The following FSTL5 variants were observed in gnomAD, a reference collection of about 807,000 sequenced individuals.
FSTL5 encodes the protein follistatin-related protein 5.
Under a neutral mutation model 89.1 loss-of-function variants are expected in FSTL5, and 62 were observed. That is an observed-to-expected ratio of 0.70 (90% confidence interval 0.57 to 0.86). The LOEUF is 0.86. Among genes scored for constraint, FSTL5 ranks in the 40% least tolerant of loss-of-function variants. The pLI, the probability that FSTL5 is intolerant of heterozygous loss-of-function variation, is 0.00. For synonymous variants in FSTL5, 383 were observed against 346.2 expected (o/e 1.11, Z -1.18); for missense variants, 1,057 against 1,001.6 (o/e 1.06, Z -0.75).
At chr4:161,499,045 T>C (rs1279397897) in intron 12 of FSTL5, among the ~76,000 whole-genome samples, 3 of 151,536 alleles carry the variant, frequency 2.0e-5, no homozygotes, top group African/African-American at 7.3e-5. Flanking sequence ...CTATGAAAAA[T>C]ACAGAAATTA....
intron 3 of FSTL5, among the ~76,000 whole-genome samples, chr4:161,939,839 C>T (rs543515451): frequency 5.3e-5 from 8 of 151,938 alleles, no homozygotes; most frequent in Non-Finnish European, 1.0e-4. Flanking sequence ...TATCTTACCA[C>T]GGAAACACCA....
intron 4 of FSTL5, among the ~76,000 whole-genome samples, chr4:161,782,978 C>T (rs1359734783): frequency 6.6e-6 from 1 of 152,080 alleles, no homozygotes; most frequent in African/African-American, 2.4e-5. Context: ...ATCATATGTG[C>T]AACTTAGCCA....
At chr4:161,696,214 G>T (rs111711593) in intron 6 of FSTL5, among the ~76,000 whole-genome samples, 10,405 of 152,188 alleles carry the variant, frequency 0.068, 431 homozygotes, top group South Asian at 0.18. Context: ...GTTGAATAGG[G>T]TGTCCTTTCC....
chr4:161,411,756 T>C (rs1264135459), intron 15 of FSTL5, among the ~76,000 whole-genome samples: 1 of 151,820 alleles, frequency 6.6e-6, no homozygotes, highest in Non-Finnish European at 1.5e-5. Context: ...GCTCAAACCA[T>C]CCCCTTTGAG....
At chr4:161,996,957 A>G (rs139300298) in intron 3 of FSTL5, among the ~76,000 whole-genome samples, 218 of 152,330 alleles carry the variant, frequency 1.4e-3, no homozygotes, top group African/African-American at 5.0e-3. Flanking sequence ...TTAGTGGGCA[A>G]TTATATTTGA....
chr4:161,977,639 A>ATAAAAATAAT (rs1373859019), intron 3 of FSTL5, among the ~76,000 whole-genome samples: 1 of 101,244 alleles, frequency 9.9e-6, no homozygotes, highest in African/African-American at 4.1e-5. Flanking sequence ...AAAAAAAAAA[A>ATAAAAATAAT]AATAATAATA....
chr4:161,825,849 C>T (rs1419865883), intron 4 of FSTL5, among the ~76,000 whole-genome samples: 1 of 151,894 alleles, frequency 6.6e-6, no homozygotes, highest in Non-Finnish European at 1.5e-5. Context: ...CTTTTTGTTT[C>T]ATTTATCTTT....
chr4:161,473,208 TTC>T lies in FSTL5; in HGVS notation c.1608+7810_1608+7811del, dbSNP rs547063951. 1.9e-3 allele frequency among the ~76,000 whole-genome samples: 286 copies of T among 152,304 alleles called. 3 individuals carry two copies. Among genetic ancestry groups the T allele is most frequent in the African/African-American group, 6.4e-3 (267 of 41,568 alleles). On this transcript the variant is annotated intron_variant, in intron 13 of 15. Transcript: ENST00000306100. ...TAAGTCCTCTACTCCCTTTATTATC[TTC>T]TGTCTGGTATTTCTATCAATTATTG...
chr4:161,483,048 A>C (rs575147632), intron 12 of FSTL5, among the ~76,000 whole-genome samples: 10 of 152,210 alleles, frequency 6.6e-5, no homozygotes, highest in Admixed American at 5.2e-4. Flanking sequence ...CGGGAGGTCA[A>C]CCTGAGTAAA....
At chr4:162,075,022 C>A (rs1368532542) in intron 2 of FSTL5, among the ~76,000 whole-genome samples, 3 of 151,630 alleles carry the variant, frequency 2.0e-5, no homozygotes, top group Non-Finnish European at 4.4e-5. Context: ...TAACTTATAA[C>A]CACAACCCCA....
intron 6 of FSTL5, among the ~76,000 whole-genome samples, chr4:161,726,913 AT>A (rs67862379): frequency 0.065 from 2,311 of 35,636 alleles, 26 homozygotes; most frequent in Non-Finnish European, 0.21. Context: ...AAAAAAAAAA[AT>A]ATATATATAT....
At chr4:161,421,662 A>G (rs1232117661) in intron 15 of FSTL5, among the ~76,000 whole-genome samples, 1 of 152,188 alleles carries the variant, frequency 6.6e-6, no homozygotes, top group Non-Finnish European at 1.5e-5. Flanking sequence ...AAAGATTCAC[A>G]TTTGAATTGG....
chr4:161,823,890 T>A (rs939326162), intron 4 of FSTL5, among the ~76,000 whole-genome samples: 8 of 152,240 alleles, frequency 5.3e-5, no homozygotes, highest in Admixed American at 1.3e-4. Context: ...TTGTTTGAAT[T>A]CCTTGTAGAT....
intron 6 of FSTL5, among the ~76,000 whole-genome samples, chr4:161,687,176 T>C (rs1013448122): frequency 3.3e-5 from 5 of 152,198 alleles, no homozygotes; most frequent in African/African-American, 9.6e-5. Flanking sequence ...ACATTCATGA[T>C]GATTTAAGAA....
At chr4:161,486,451 T>C (rs1039167619) in intron 12 of FSTL5, among the ~76,000 whole-genome samples, 1 of 152,190 alleles carries the variant, frequency 6.6e-6, no homozygotes, top group Non-Finnish European at 1.5e-5. Context: ...AATAAAGGCA[T>C]GTAAGTCTGA....
At chr4:161,811,371 A>G (rs1177464148) in intron 4 of FSTL5, among the ~76,000 whole-genome samples, 2 of 152,198 alleles carry the variant, frequency 1.3e-5, no homozygotes, top group African/African-American at 4.8e-5. Context: ...ATATTTTAAA[A>G]TGTTTTCCTT....
chr4:161,966,789 A>G (rs1735339334), intron 3 of FSTL5, among the ~76,000 whole-genome samples: 1 of 152,032 alleles, frequency 6.6e-6, no homozygotes, highest in South Asian at 2.1e-4. Context: ...TGTTTAAGTC[A>G]CCTCATCTTT....
intron 4 of FSTL5, among the ~76,000 whole-genome samples, chr4:161,903,811 A>G (rs1299918200): frequency 1.3e-5 from 2 of 152,020 alleles, no homozygotes. Flanking sequence ...GCCTAGATCA[A>G]TTATAACTGA....
At chr4:162,039,258 G>T (rs74634043) in intron 2 of FSTL5, among the ~76,000 whole-genome samples, 4,120 of 151,552 alleles carry the variant, frequency 0.027, 82 homozygotes, top group Middle Eastern at 0.048. Context: ...ATAAGGCAAG[G>T]TTCTTTCCCC....
Sources: gnomAD v4.1 joint callset for allele counts (sites outside exome capture counted in the v4.1 genomes callset) on GRCh38, gnomAD v4.1.1 for gene constraint, MANE v1.5 for transcripts, NCBI Gene and HGNC (gene_info 2026-07-23, HGNC 2026-07-21) for gene names.